The following ZSCAN5A variants were observed in gnomAD, a reference collection of about 807,000 sequenced individuals.
ZSCAN5A encodes zinc finger and SCAN domain-containing protein 5A.
Under a neutral mutation model 23.7 loss-of-function variants are expected in ZSCAN5A, and 12 were observed. The observed-to-expected ratio is 0.51, with a 90% CI of 0.32 to 0.82. The LOEUF (loss-of-function observed/expected upper bound fraction) is 0.82. Among genes scored for constraint, ZSCAN5A ranks in the 40% least tolerant of loss-of-function variants. ZSCAN5A has a pLI of 0.03. For synonymous variants in ZSCAN5A, 257 were observed against 239.9 expected, an observed-to-expected ratio of 1.07 and a Z score of -0.66; for missense variants, 597 against 617.9, an observed-to-expected ratio of 0.97 and a Z score of 0.36.
At chr19:56,262,626 T>C (rs1384262891) in intron 2 of ZSCAN5A, among the ~76,000 whole-genome samples, 3 of 151,830 alleles carry the variant, frequency 2.0e-5, no homozygotes, top group Admixed American at 2.0e-4. Context: ...GAGACGGGGT[T>C]TCACCATGTT....
chr19:56,352,235 G>A lies in ZSCAN5A; in HGVS notation c.-358+11000C>T, dbSNP rs1044719711. On this transcript the variant is annotated intron_variant, in intron 2 of 6. Transcript: ENST00000587340. The surrounding 1 kb of genome is among the most constrained non-coding windows in gnomAD (Gnocchi z 4.2). ...TCCTGCCTCAGCCTCCCAAGTAGCT[G>A]GGACTACAGGCGCCGATAGTGTGGT... 2.0e-5 allele frequency among the ~76,000 whole-genome samples: 3 copies of A among 152,132 alleles called. No individual in the cohort carries two copies. The highest frequency in any genetic ancestry group is 7.2e-5 in the African/African-American group (3 of 41,414).
chr19:56,244,165 G>A, intron 2 of ZSCAN5A: 1 of 1,610,584 alleles, frequency 6.2e-7, no homozygotes, highest in Non-Finnish European at 8.5e-7. Flanking sequence ...GGGACCCTGA[G>A]ACTTGTCACG....
chr19:56,261,824 A>G (rs971131256), intron 2 of ZSCAN5A, among the ~76,000 whole-genome samples: 6 of 152,160 alleles, frequency 3.9e-5, no homozygotes, highest in African/African-American at 1.4e-4. Flanking sequence ...ATTTTTCTTT[A>G]TTTTTGTTTG....
intron 2 of ZSCAN5A, chr19:56,343,400 A>T (rs1013201930): frequency 4.8e-5 from 26 of 540,808 alleles, no homozygotes; most frequent in Non-Finnish European, 8.1e-5. Context: ...GCCATGCAGC[A>T]ATTTGTGAAC....
rs1414104798 is a variant in ZSCAN5A, at chr19:56,223,670, C to T, written c.549G>A (p.Leu183=). 2 of 1,613,792 alleles carry T rather than the reference C, an allele frequency of 1.2e-6. No homozygotes were observed. Among genetic ancestry groups the T allele is most frequent in the Non-Finnish European group, 1.7e-6 (2 of 1,179,994 alleles). Residue 183 remains leucine, a synonymous_variant, in exon 4 of 6, where the codon CTG becomes CTA. Transcript: ENST00000683990. The stretch of plus-strand genomic sequence containing the variant: ...ATGCAGGGACCCTGGGCAGGATCTG[C>T]AGCTCTCGGTGGGCCTGGCCTTCCC... The part of the protein sequence containing the change: ...RPGEGQAHRE[L]QILPRVPALS...
At chr19:56,344,860 G>A (rs527729985) in intron 2 of ZSCAN5A, among the ~76,000 whole-genome samples, 15 of 130,162 alleles carry the variant, frequency 1.2e-4, no homozygotes, top group East Asian at 8.8e-4. Context: ...CCGAGATTGC[G>A]CCACTGCAGT....
At chr19:56,348,245 TCTC>T (rs2041647097) in intron 2 of ZSCAN5A, 2 of 152,106 alleles carry the variant, frequency 1.3e-5, no homozygotes, top group Admixed American at 6.5e-5. Flanking sequence ...CTCTCTGTCT[TCTC>T]CTCTCTAATC....
chr19:56,335,326 G>C (rs545105128), intron 2 of ZSCAN5A, among the ~76,000 whole-genome samples: 4 of 152,158 alleles, frequency 2.6e-5, no homozygotes, highest in African/African-American at 4.8e-5. Context: ...TATGTCTGGT[G>C]TACCCAAAAG....
At chr19:56,342,633 A>AG (rs2041602294) in intron 2 of ZSCAN5A, 1 of 479,632 alleles carries the variant, frequency 2.1e-6, no homozygotes, top group East Asian at 4.1e-5. Flanking sequence ...AGGGAAAAAA[A>AG]TTTGGAAAAA....
rs1271024285 is a variant in ZSCAN5A at position 56,352,419 on chromosome 19, G to A, written c.-358+10816C>T. On this transcript the variant is annotated intron_variant, in intron 2 of 6. Coordinates refer to the ZSCAN5A transcript ENST00000587340. The surrounding 1 kb of genome is among the most constrained non-coding windows in gnomAD (Gnocchi z 4.2). ...GTGATCATGCAGGATGGTTAGAAGG[G>A]ACTGATTATTGAAAGAATTTCGGTG... 6.6e-6 allele frequency among the ~76,000 whole-genome samples: 1 copy of A among 152,210 alleles called. No individual in the cohort carries two copies.
At chr19:56,298,453 T>C (rs1270963927) in intron 2 of ZSCAN5A, among the ~76,000 whole-genome samples, 4 of 151,874 alleles carry the variant, frequency 2.6e-5, no homozygotes, top group Non-Finnish European at 4.4e-5. Flanking sequence ...CCACCCAACA[T>C]GATGAAACCC....
At chr19:56,334,772 A>C (rs893466828) in intron 2 of ZSCAN5A, among the ~76,000 whole-genome samples, 1 of 152,206 alleles carries the variant, frequency 6.6e-6, no homozygotes, top group African/African-American at 2.4e-5. Flanking sequence ...AAATTATTAA[A>C]AGAAAAAAAT....
At chr19:56,231,991 C>CTTTTCTTTTT (rs2034507226) in intron 2 of ZSCAN5A, among the ~76,000 whole-genome samples, 1 of 34,340 alleles carries the variant, frequency 2.9e-5, no homozygotes, top group East Asian at 8.6e-4. Context: ...TTCTTTTTTT[C>CTTTTCTTTTT]TTTTCTTTTT....
chr19:56,307,225 G>A (rs528916759), intron 2 of ZSCAN5A, among the ~76,000 whole-genome samples: 139 of 152,140 alleles, frequency 9.1e-4, no homozygotes, highest in African/African-American at 2.0e-3. Context: ...CTCCCACGTC[G>A]CCTGCCTTTC....
At chr19:56,359,660 A>G (rs563293463) in intron 2 of ZSCAN5A, among the ~76,000 whole-genome samples, 141 of 152,258 alleles carry the variant, frequency 9.3e-4, no homozygotes, top group Non-Finnish European at 1.5e-3. Flanking sequence ...CCTGATGAAC[A>G]TCGATGTCAA....
At chr19:56,306,416 C>T (rs55791386) in intron 2 of ZSCAN5A, among the ~76,000 whole-genome samples, 284 of 14,712 alleles carry the variant, frequency 0.019, no homozygotes, top group Non-Finnish European at 0.023. Context: ...AGATGGGAGA[C>T]TTCTCTTCCC....
In ZSCAN5A at chr19:56,254,137, C is replaced by G. The variant is rs190303369; in HGVS notation, c.-127-28964G>C. Among the ~76,000 whole-genome samples, 206 of 150,222 alleles carry G rather than the reference C, an allele frequency of 1.4e-3. 2 individuals are homozygous for G. Among genetic ancestry groups the G allele is most frequent in the Non-Finnish European group, 7.7e-4 (52 of 67,704 alleles). ...TTGGTGGTTCATATGATGGTTCACT[C>G]GATCTGACATTTTTTTCTTGTACTC... On this transcript the variant is annotated intron_variant, in intron 2 of 5. Transcript: ENST00000683990.
chr19:56,285,273 G>A (rs903577496), intron 2 of ZSCAN5A, among the ~76,000 whole-genome samples: 3 of 152,154 alleles, frequency 2.0e-5, no homozygotes, highest in Non-Finnish European at 2.9e-5. Flanking sequence ...TATGCACATG[G>A]GAAAATATCG....
At chr19:56,269,054 T>C (rs1274921587) in intron 2 of ZSCAN5A, among the ~76,000 whole-genome samples, 2 of 152,248 alleles carry the variant, frequency 1.3e-5, no homozygotes, top group Non-Finnish European at 2.9e-5. Flanking sequence ...CATTTCCATA[T>C]TTTGACTCTA....
Sources: gnomAD v4.1 joint callset for allele counts (sites outside exome capture counted in the v4.1 genomes callset) on GRCh38, gnomAD v4.1.1 for gene constraint, Gnocchi (gnomAD v3.1) non-coding constraint, MANE v1.5 for transcripts, NCBI Gene and HGNC (gene_info 2026-07-23, HGNC 2026-07-21) for gene names.